The following PDE1C variants were observed in gnomAD, a reference collection of about 807,000 sequenced individuals.
PDE1C encodes dual specificity calcium/calmodulin-dependent 3',5'-cyclic nucleotide phosphodiesterase 1C.
PDE1C carries 62 observed loss-of-function variants against 93.1 expected under a neutral mutation model. The ratio of observed to expected loss-of-function variants is 0.67; its 90% CI spans 0.54 to 0.82. The LOEUF is 0.82. Ranked by LOEUF, PDE1C falls within the 40% of genes least tolerant of loss-of-function variation. The pLI is 0.00. For missense variants in PDE1C, 742 were observed against 884.6 expected (o/e 0.84, Z 2.04); for synonymous variants, 325 against 310.1 (o/e 1.05, Z -0.50).
chr7:32,103,074 G>A (rs547452598), intron 3 of PDE1C, among the ~76,000 whole-genome samples: 1 of 152,280 alleles, frequency 6.6e-6, no homozygotes, highest in East Asian at 1.9e-4. Context: ...CAGGTCCAGA[G>A]GTTGTCAGTT....
chr7:32,021,915 T>C (rs1173086518), intron 2 of PDE1C, among the ~76,000 whole-genome samples: 3 of 152,150 alleles, frequency 2.0e-5, no homozygotes, highest in African/African-American at 7.2e-5. Context: ...CTAAAATTTT[T>C]GTAAAATTCC....
At chr7:31,884,244 C>T (rs995454779) in intron 2 of PDE1C, among the ~76,000 whole-genome samples, 1 of 150,708 alleles carries the variant, frequency 6.6e-6, no homozygotes, top group Non-Finnish European at 1.5e-5. Flanking sequence ...GCAATAAAGA[C>T]AGAAGAAAAT....
intron 2 of PDE1C, among the ~76,000 whole-genome samples, chr7:31,999,966 G>T (rs1785250044): frequency 6.6e-6 from 1 of 152,142 alleles, no homozygotes; most frequent in South Asian, 2.1e-4. Flanking sequence ...TAGGGGGAGA[G>T]TTGAGAGAAT....
intron 3 of PDE1C, among the ~76,000 whole-genome samples, chr7:32,085,292 G>C (rs7456364): frequency 0.52 from 50,514 of 97,234 alleles, 15,113 homozygotes; most frequent in African/African-American, 0.63. Context: ...ACCCTCCCAA[G>C]ACTAAACAAA....
At chr7:31,861,072 A>C (rs1173090794) in intron 7 of PDE1C, among the ~76,000 whole-genome samples, 1 of 152,096 alleles carries the variant, frequency 6.6e-6, no homozygotes, top group Admixed American at 6.6e-5. Flanking sequence ...GAGATGACTC[A>C]TGTCAAGGTC....
At chr7:31,886,110 CT>C (rs1020098329) in intron 2 of PDE1C, among the ~76,000 whole-genome samples, 1 of 152,170 alleles carries the variant, frequency 6.6e-6, no homozygotes, top group African/African-American at 2.4e-5. Context: ...TTTTACAGTA[CT>C]TTCTCTACAT....
At chr7:31,722,186 G>A in the PDE1C span, among the ~76,000 whole-genome samples, 4 of 151,922 alleles carry the variant, frequency 2.6e-5, no homozygotes, top group Non-Finnish European at 4.4e-5. Context: ...CTACCCACCA[G>A]TTCTCTCCAC....
exon 1 of PDE1C, chr7:32,298,827 G>T: frequency 6.8e-7 from 1 of 1,470,084 alleles, no homozygotes; most frequent in Non-Finnish European, 9.0e-7. Flanking sequence ...GCTCGGCGGC[G>T]AATCCTCCCC....
the PDE1C span, chr7:31,652,938 C>G: frequency 2.0e-6 from 3 of 1,506,042 alleles, no homozygotes; most frequent in Non-Finnish European, 2.7e-6. Context: ...CCATTGTCAG[C>G]TATATCTCTC....
the PDE1C span, among the ~76,000 whole-genome samples, chr7:31,703,434 G>A: frequency 6.6e-6 from 1 of 152,204 alleles, no homozygotes; most frequent in South Asian, 2.1e-4. Flanking sequence ...GCGTAAACAA[G>A]AGTTGGGGTG....
At chr7:31,894,430 G>C (rs1583831501) in intron 2 of PDE1C, among the ~76,000 whole-genome samples, 1 of 152,196 alleles carries the variant, frequency 6.6e-6, no homozygotes. Context: ...AGTGTAAATA[G>C]AACAAAATAA....
At chr7:32,151,958 T>A (rs933387776) in intron 3 of PDE1C, among the ~76,000 whole-genome samples, 19 of 152,244 alleles carry the variant, frequency 1.2e-4, no homozygotes, top group African/African-American at 4.6e-4. Flanking sequence ...TTTATTCCTA[T>A]GATGACATTT....
At chr7:32,078,116 AAAGG>A (rs1210060473) in intron 3 of PDE1C, 2 of 716,198 alleles carry the variant, frequency 2.8e-6, no homozygotes, top group Middle Eastern at 6.8e-4. Flanking sequence ...ATTCTGACCC[AAAGG>A]TACATAAATC....
intron 1 of PDE1C, among the ~76,000 whole-genome samples, chr7:32,225,075 A>C (rs1038379439): frequency 6.6e-6 from 1 of 152,156 alleles, no homozygotes; most frequent in African/African-American, 2.4e-5. Context: ...GTGAGTCGGA[A>C]AGAAATGAAG....
the PDE1C span, among the ~76,000 whole-genome samples, chr7:31,631,658 G>A: frequency 6.6e-6 from 1 of 152,084 alleles, no homozygotes; most frequent in East Asian, 1.9e-4. Context: ...TGCTAGACCT[G>A]GAGCAACGGA....
chr7:32,184,725 C>T (rs536053070), intron 2 of PDE1C, among the ~76,000 whole-genome samples: 3 of 152,244 alleles, frequency 2.0e-5, no homozygotes, highest in African/African-American at 7.2e-5. Context: ...GTGCAGCACA[C>T]CAACATGGCA....
chr7:32,107,912 A>C (rs1241419245), intron 3 of PDE1C, among the ~76,000 whole-genome samples: 1 of 152,114 alleles, frequency 6.6e-6, no homozygotes. Flanking sequence ...ATGAAGCAGT[A>C]GAGTGTTACT....
chr7:32,387,641 ACCTC>A (rs1585137393), intron 1 of PDE1C, among the ~76,000 whole-genome samples: 1 of 97,498 alleles, frequency 1.0e-5, no homozygotes, highest in African/African-American at 3.8e-5. Flanking sequence ...TGATCCCCCC[ACCTC>A]CCTCCCGGAC....
At chr7:31,786,497 A>C (rs1477320589) in intron 16 of PDE1C, 2 of 152,134 alleles carry the variant, frequency 1.3e-5, no homozygotes, top group African/African-American at 2.4e-5. Context: ...AAGTTGAATA[A>C]ATTTTCAGGG....
Sources: gnomAD v4.1 joint callset for allele counts (sites outside exome capture counted in the v4.1 genomes callset) on GRCh38, gnomAD v4.1.1 for gene constraint, MANE v1.5 for transcripts, NCBI Gene and HGNC (gene_info 2026-07-23, HGNC 2026-07-21) for gene names.